UEVLD: variants seen among roughly 807,000 people sequenced by gnomAD.
The protein encoded by UEVLD is ubiquitin-conjugating enzyme E2 variant 3.
Under a neutral mutation model 58.6 loss-of-function variants are expected in UEVLD, and 47 were observed. That is an observed-to-expected ratio of 0.80 (90% CI 0.63 to 1.02). The LOEUF (loss-of-function observed/expected upper bound fraction) is 1.02. UEVLD is among the 50% of genes least tolerant of loss of function. The pLI is 0.00. For synonymous variants in UEVLD, 197 were observed against 195.3 expected (o/e 1.01, Z -0.07); for missense variants, 510 against 550.6 (o/e 0.93, Z 0.74).
intron 3 of UEVLD, among the ~76,000 whole-genome samples, chr11:18,571,396 GATC>G (rs1252295267): frequency 6.6e-6 from 1 of 152,098 alleles, no homozygotes; most frequent in African/African-American, 2.4e-5. Flanking sequence ...TCCCCTGGTT[GATC>G]AAGGATCTGC....
chr11:18,583,660 T>TTTTG (rs1853382002), intron 1 of UEVLD, among the ~76,000 whole-genome samples: 1 of 144,208 alleles, frequency 6.9e-6, no homozygotes, highest in South Asian at 2.2e-4. Context: ...AGTATTACTT[T>TTTTG]TTTTTTTTTT....
chr11:18,560,509 AATTC>A (rs1234281340), intron 6 of UEVLD, among the ~76,000 whole-genome samples: 1 of 152,226 alleles, frequency 6.6e-6, no homozygotes, highest in Non-Finnish European at 1.5e-5. Context: ...TGAATCCATC[AATTC>A]ATTTATAGAA....
chr11:18,572,567 G>A (rs955307243), intron 3 of UEVLD, among the ~76,000 whole-genome samples: 1 of 152,176 alleles, frequency 6.6e-6, no homozygotes, highest in African/African-American at 2.4e-5. Context: ...CACTTCGGGA[G>A]GCAGAGGCGG....
At chr11:18,533,451 G>T (rs1244215501) in intron 11 of UEVLD, among the ~76,000 whole-genome samples, 2 of 151,110 alleles carry the variant, frequency 1.3e-5, no homozygotes, top group African/African-American at 2.4e-5. Context: ...AATCTGGGGT[G>T]ACTTGGCTGG....
At chr11:18,569,499 C>T (rs959430698) in intron 4 of UEVLD, among the ~76,000 whole-genome samples, 9 of 152,070 alleles carry the variant, frequency 5.9e-5, no homozygotes, top group South Asian at 4.1e-4. Context: ...TTTATCATTA[C>T]GGAAGTATCA....
intron 9 of UEVLD, among the ~76,000 whole-genome samples, chr11:18,537,699 G>A (rs1850869502): frequency 6.6e-6 from 1 of 151,822 alleles, no homozygotes. Context: ...GTCTTACTTT[G>A]TCACCTAGGG....
At chr11:18,570,528 A>G (rs1852548525) in intron 3 of UEVLD, 151 bp from the exon 4 acceptor site, 2 of 639,540 alleles carry the variant, frequency 3.1e-6, no homozygotes, top group Admixed American at 7.9e-5. Context: ...AGCAGATTGC[A>G]TGAGCCCAGG....
chr11:18,547,154 G>A (rs1009137025), intron 7 of UEVLD, 104 bp from the exon 8 acceptor site: 1 of 1,178,284 alleles, frequency 8.5e-7, no homozygotes, highest in Non-Finnish European at 1.2e-6. Flanking sequence ...AGAGCTTTTA[G>A]GCACGCCTCC....
intron 3 of UEVLD, among the ~76,000 whole-genome samples, chr11:18,573,213 G>A (rs932673957): frequency 8.5e-5 from 13 of 152,100 alleles, no homozygotes; most frequent in Non-Finnish European, 1.2e-4. Context: ...TCATGTTACC[G>A]CCCTACTCTG....
At chr11:18,587,668 G>A (rs1054730326) in intron 1 of UEVLD, 1 of 152,202 alleles carries the variant, frequency 6.6e-6, no homozygotes, top group Non-Finnish European at 1.5e-5. Context: ...CAGGCATGGT[G>A]GCACGCGCCT....
chr11:18,535,021 A>G (rs779893987), intron 10 of UEVLD, among the ~76,000 whole-genome samples: 23 of 152,272 alleles, frequency 1.5e-4, no homozygotes, highest in Non-Finnish European at 2.8e-4. Flanking sequence ...GCTTTTGAGA[A>G]GAATAAGGTA....
chr11:18,557,140 G>GTTTTGT (rs935923202), intron 7 of UEVLD, among the ~76,000 whole-genome samples: 9 of 150,036 alleles, frequency 6.0e-5, no homozygotes, highest in Admixed American at 1.3e-4. Flanking sequence ...CATTTCAAAC[G>GTTTTGT]TTTTGTTTTT....
intron 6 of UEVLD, among the ~76,000 whole-genome samples, chr11:18,559,821 A>C (rs559850965): frequency 3.9e-4 from 60 of 152,182 alleles, no homozygotes; most frequent in Non-Finnish European, 7.5e-4. Context: ...AACAGCATGG[A>C]AACTCCTAAA....
intron 3 of UEVLD, among the ~76,000 whole-genome samples, chr11:18,574,719 T>G (rs1051463723): frequency 7.2e-5 from 11 of 152,212 alleles, no homozygotes; most frequent in African/African-American, 2.4e-4. Context: ...TTCTTTGAGC[T>G]TTAATGGCTT....
intron 1 of UEVLD, among the ~76,000 whole-genome samples, chr11:18,580,380 A>G (rs543366895): frequency 1.1e-4 from 16 of 152,308 alleles, no homozygotes; most frequent in African/African-American, 2.9e-4. Flanking sequence ...AAGAAAAATG[A>G]AAACGGGTAC....
intron 7 of UEVLD, among the ~76,000 whole-genome samples, chr11:18,553,379 A>G (rs1851618281): frequency 6.6e-6 from 1 of 152,026 alleles, no homozygotes; most frequent in African/African-American, 2.4e-5. Flanking sequence ...ATGATGGAAT[A>G]TTATGTAGAA....
chr11:18,581,094 G>A (rs948469810), intron 1 of UEVLD, among the ~76,000 whole-genome samples: 42 of 151,008 alleles, frequency 2.8e-4, no homozygotes, highest in Non-Finnish European at 5.0e-4. Context: ...CCCAGGAGGC[G>A]GAGGTTGCAG....
At chr11:18,549,371 A>C (rs1402176617) in intron 7 of UEVLD, among the ~76,000 whole-genome samples, 1 of 152,148 alleles carries the variant, frequency 6.6e-6, no homozygotes, top group African/African-American at 2.4e-5. Flanking sequence ...CCTCATCTTC[A>C]AGGTTGACTT....
chr11:18,575,844 A>AC (rs61365757), intron 2 of UEVLD, among the ~76,000 whole-genome samples: 28,414 of 152,106 alleles, frequency 0.19, 3,027 homozygotes, highest in East Asian at 0.41. Flanking sequence ...AATAATTGTC[A>AC]ATGTCAGTTG....
Sources: allele counts gnomAD v4.1 joint callset (sites outside exome capture counted in the v4.1 genomes callset), GRCh38; gene constraint gnomAD v4.1.1; transcripts MANE v1.5; gene names NCBI Gene and HGNC (gene_info 2026-07-23, HGNC 2026-07-21).